Variants in XXYLT1 observed in about 807,000 individuals in gnomAD.
XXYLT1 encodes xyloside xylosyltransferase 1.
In XXYLT1, 20 loss-of-function variants were observed where a neutral mutation model predicts 28.9. The observed-to-expected ratio is 0.69, with a 90% CI of 0.49 to 1.00. The LOEUF (loss-of-function observed/expected upper bound fraction) is 1.00. XXYLT1 is among the 50% of genes least tolerant of loss of function. The pLI is 0.00. For missense variants in XXYLT1, 542 were observed against 560.1 expected (o/e 0.97, Z 0.33); for synonymous variants, 257 against 253.8 (o/e 1.01, Z -0.12).
Position 195,240,734 on chromosome 3 carries a change from C to A in XXYLT1, c.505-13878G>T, listed in dbSNP as rs994258107. On this transcript the variant is annotated intron_variant, in intron 1 of 3. Coordinates refer to ENST00000310380, the MANE Select transcript of XXYLT1 (RefSeq NM_152531.5). This position sits in a 1 kb window ranked among gnomAD's most constrained non-coding sequence, Gnocchi z 4.7. Reference sequence around the variant, plus strand: ...AGCTATTGGAGGGAAGGTGGTGGCACAAAGCTCAGGCACACTCTACCCAAG... The same window carrying A: ...AGCTATTGGAGGGAAGGTGGTGGCAAAAAGCTCAGGCACACTCTACCCAAG... Among the ~76,000 whole-genome samples, 1 of 152,166 alleles carries A rather than the reference C, an allele frequency of 6.6e-6. No individual in the cohort carries two copies. Among genetic ancestry groups the A allele is most frequent in the Non-Finnish European group, 1.5e-5 (1 of 68,044 alleles).
At chr3:195,145,670 C>T (rs9882160) in intron 3 of XXYLT1, among the ~76,000 whole-genome samples, 22,775 of 141,368 alleles carry the variant, frequency 0.16, 2,086 homozygotes, top group East Asian at 0.41. Flanking sequence ...GCGAGCATCT[C>T]TGTGACTTCA....
chr3:195,142,949 A>C (rs1439414453), intron 3 of XXYLT1, among the ~76,000 whole-genome samples: 1 of 151,964 alleles, frequency 6.6e-6, no homozygotes, highest in African/African-American at 2.4e-5. Context: ...CACCGAGAGG[A>C]GTTTAAAGAT....
At chr3:195,223,524 T>C (rs1723919697) in intron 2 of XXYLT1, among the ~76,000 whole-genome samples, 1 of 152,112 alleles carries the variant, frequency 6.6e-6, no homozygotes, top group Admixed American at 6.6e-5. Flanking sequence ...ATGCAGCAAT[T>C]ACATGACAAC....
intron 2 of XXYLT1, among the ~76,000 whole-genome samples, chr3:195,223,639 G>A (rs147952214): frequency 3.9e-5 from 6 of 152,078 alleles, no homozygotes; most frequent in African/African-American, 7.2e-5. Context: ...AAGACAGCAC[G>A]AATGATGTCT....
intron 3 of XXYLT1, among the ~76,000 whole-genome samples, chr3:195,098,218 C>G (rs1320764311): frequency 6.6e-6 from 1 of 152,162 alleles, no homozygotes; most frequent in Non-Finnish European, 1.5e-5. Context: ...GGTTGTACAA[C>G]ATTGTGAATA....
intron 3 of XXYLT1, among the ~76,000 whole-genome samples, chr3:195,148,413 C>G (rs943349800): frequency 6.6e-6 from 1 of 151,786 alleles, no homozygotes; most frequent in Non-Finnish European, 1.5e-5. Flanking sequence ...AGATTTAACT[C>G]TGATAGAAAC....
intron 2 of XXYLT1, among the ~76,000 whole-genome samples, chr3:195,212,147 TGGA>T (rs145339120): frequency 0.03 from 4,282 of 144,562 alleles, 186 homozygotes; most frequent in African/African-American, 0.1. Flanking sequence ...CGGGAAGATC[TGGA>T]GGAGGAGAGG....
chr3:195,228,232 A>G (rs1724139392), intron 1 of XXYLT1, among the ~76,000 whole-genome samples: 1 of 152,114 alleles, frequency 6.6e-6, no homozygotes, highest in African/African-American at 2.4e-5. Context: ...GCAAAAGGCA[A>G]AGCCACGTGA....
At position 195,098,413 on chromosome 3, in the gene XXYLT1, C is replaced by T. The variant is rs377392366; in HGVS notation, c.786-28302G>A. Reference sequence around the variant, plus strand: ...CTAAAAATACAAAAAATTAGCCGGGCGTGGTGGTGCGCGCCTGTAGTCCCA... The same window carrying T: ...CTAAAAATACAAAAAATTAGCCGGGTGTGGTGGTGCGCGCCTGTAGTCCCA... On this transcript the variant is annotated intron_variant, in intron 3 of 3. Coordinates refer to ENST00000310380, the MANE Select transcript of XXYLT1 (RefSeq NM_152531.5). Among the ~76,000 whole-genome samples, 404 of 152,074 alleles carry T rather than the reference C, an allele frequency of 2.7e-3. 3 individuals carry two copies. Among genetic ancestry groups the T allele is most frequent in the African/African-American group, 8.5e-3 (352 of 41,454 alleles).
At chr3:195,107,470 G>T (rs1392335460) in intron 3 of XXYLT1, among the ~76,000 whole-genome samples, 6 of 28,528 alleles carry the variant, frequency 2.1e-4, no homozygotes, top group Non-Finnish European at 3.8e-4. Flanking sequence ...GCAAAACTCC[G>T]TCTCAAAAAA....
chr3:195,244,280 C>T (rs1322119123), intron 1 of XXYLT1, among the ~76,000 whole-genome samples: 2 of 152,208 alleles, frequency 1.3e-5, no homozygotes, highest in African/African-American at 2.4e-5. Context: ...AACAGGACGG[C>T]GTGTCTCCAG....
chr3:195,213,226 T>C (rs1723406936), intron 2 of XXYLT1, among the ~76,000 whole-genome samples: 1 of 152,092 alleles, frequency 6.6e-6, no homozygotes, highest in Non-Finnish European at 1.5e-5. Flanking sequence ...ACAAGTGTTA[T>C]TTATTACGCT....
intron 1 of XXYLT1, among the ~76,000 whole-genome samples, chr3:195,242,263 A>G (rs1335879401): frequency 6.6e-6 from 1 of 152,110 alleles, no homozygotes; most frequent in African/African-American, 2.4e-5. Context: ...GCCCTCACCC[A>G]AAGAGAGAGA....
intron 2 of XXYLT1, among the ~76,000 whole-genome samples, chr3:195,169,839 G>A (rs1721309166): frequency 6.7e-6 from 1 of 149,146 alleles, no homozygotes; most frequent in Non-Finnish European, 1.5e-5. Flanking sequence ...GTATATTAAT[G>A]TGTGTGTGTG....
chr3:195,266,692 T>C (rs1725859948), intron 1 of XXYLT1, among the ~76,000 whole-genome samples: 1 of 152,088 alleles, frequency 6.6e-6, no homozygotes, highest in African/African-American at 2.4e-5. Flanking sequence ...AACTGGGTCT[T>C]AGAGACCAGC....
intron 3 of XXYLT1, chr3:195,146,961 T>C (rs1156931171): frequency 6.5e-6 from 1 of 153,710 alleles, no homozygotes; most frequent in Non-Finnish European, 1.5e-5. Context: ...TGCCTCAGCC[T>C]TCCAAGTAGC....
rs1320044190 is a variant in XXYLT1 at position 195,235,899 on chromosome 3, T to TAGACAC, written c.505-9044_505-9043insGTGTCT. Among the ~76,000 whole-genome samples, 6 of 112,604 alleles carry TAGACAC rather than the reference T, an allele frequency of 5.3e-5. No homozygotes were observed. In the South Asian group the frequency reaches 1.4e-3, roughly 26 times the overall value. 73.9% of individuals were successfully genotyped at this position (112,604 alleles called of 152,430 possible). ...CTATATATCTATAAATATATAGACA[T>TAGACAC]AGACATAGACATAGACATAGACATA... On this transcript the variant is annotated intron_variant, in intron 1 of 3. Transcript: ENST00000310380.
In XXYLT1 at chr3:195,076,238, TCTG is replaced by T. The variant is rs1715108133; in HGVS notation, c.786-6130_786-6128del. ...CGGGGAAGTGAGAAAAGAGGTGACA[TCTG>T]CTGAGCAGATGTGCACAGCTTTAAT... On this transcript the variant is annotated intron_variant, in intron 3 of 3. Coordinates refer to ENST00000310380, the MANE Select transcript of XXYLT1 (RefSeq NM_152531.5). The surrounding 1 kb of genome is among the most constrained non-coding windows in gnomAD (Gnocchi z 5.3). Among the ~76,000 whole-genome samples the T allele has an allele frequency of 6.6e-6, 1 of 152,106 alleles. No homozygotes were observed. Among genetic ancestry groups the T allele is most frequent in the Non-Finnish European group, 1.5e-5 (1 of 68,000 alleles).
At chr3:195,262,319 G>C (rs1725720789) in intron 1 of XXYLT1, among the ~76,000 whole-genome samples, 1 of 152,186 alleles carries the variant, frequency 6.6e-6, no homozygotes, top group Non-Finnish European at 1.5e-5. Context: ...GTAGTCTCTA[G>C]GGGCAGGGGA....
Sources: allele counts gnomAD v4.1 joint callset (sites outside exome capture counted in the v4.1 genomes callset), GRCh38; gene constraint gnomAD v4.1.1; non-coding constraint Gnocchi (gnomAD v3.1); transcripts MANE v1.5; gene names NCBI Gene and HGNC (gene_info 2026-07-23, HGNC 2026-07-21).